Variants in RNF17 observed in about 807,000 individuals in gnomAD.
RNF17 encodes spermatogenesis associated 23.
A neutral mutation model predicts 200.5 loss-of-function variants in RNF17; 31 were observed. The ratio of observed to expected loss-of-function variants is 0.15; its 90% CI spans 0.12 to 0.21. The LOEUF is 0.21. RNF17 is among the 10% of genes least tolerant of loss of function. RNF17 has a pLI of 1.00. For synonymous variants in RNF17, 606 were observed against 637.8 expected, an observed-to-expected ratio of 0.95 and a Z score of 0.75; for missense variants, 1,628 against 1,905.1, an observed-to-expected ratio of 0.85 and a Z score of 2.71.
At chr13:24,748,933 T>A in the RNF17 span, among the ~76,000 whole-genome samples, 1 of 152,084 alleles carries the variant, frequency 6.6e-6, no homozygotes, top group East Asian at 1.9e-4. Context: ...TGTACTTTTT[T>A]AGTAGAAACA....
At chr13:24,800,667 A>G (rs2137724348) in intron 13 of RNF17, 133 bp downstream of exon 13, 1 of 600,368 alleles carries the variant, frequency 1.7e-6, no homozygotes, top group East Asian at 2.9e-5. Flanking sequence ...TTAAACTGTT[A>G]GTTCTAATAG....
At chr13:24,861,496 G>A in intron 27 of RNF17, 109 bp downstream of exon 27, 1 of 720,106 alleles carries the variant, frequency 1.4e-6, no homozygotes, top group Non-Finnish European at 2.1e-6. Flanking sequence ...CAACAAAAAA[G>A]TAATAAAACA....
At chr13:24,770,916 C>G (rs1290662204) in intron 2 of RNF17, among the ~76,000 whole-genome samples, 1 of 152,128 alleles carries the variant, frequency 6.6e-6, no homozygotes, top group Non-Finnish European at 1.5e-5. Flanking sequence ...ATTTCTAACT[C>G]CAAAAGAAAT....
chr13:24,790,530 C>G (rs1442778266), intron 9 of RNF17, among the ~76,000 whole-genome samples: 2 of 152,172 alleles, frequency 1.3e-5, no homozygotes, highest in African/African-American at 4.8e-5. Flanking sequence ...TTCAAGTTCT[C>G]AGTAGCCACA....
At chr13:24,884,699 T>C (rs2138530837), downstream of RNF17, among the ~76,000 whole-genome samples, 1 of 152,336 alleles carries the variant, frequency 6.6e-6, no homozygotes, top group Non-Finnish European at 1.5e-5. Context: ...CAACAATTTG[T>C]TACCCTAAAG....
intron 15 of RNF17, among the ~76,000 whole-genome samples, chr13:24,808,007 C>G (rs1232167322): frequency 6.6e-6 from 1 of 151,108 alleles, no homozygotes; most frequent in Admixed American, 6.6e-5. Context: ...TGATCTATAT[C>G]TCTGTTTTGG....
chr13:24,843,698 A>G, intron 19 of RNF17, 46 bp from the exon 20 acceptor site: 1 of 1,167,698 alleles, frequency 8.6e-7, no homozygotes, highest in Non-Finnish European at 1.3e-6. Flanking sequence ...AATGCAAACA[A>G]ATATTTTGCA....
chr13:24,880,363 C>T (rs1322498398), downstream of RNF17, among the ~76,000 whole-genome samples: 1 of 152,176 alleles, frequency 6.6e-6, no homozygotes, highest in East Asian at 1.9e-4. Context: ...GGTCCCTCCT[C>T]CAACACATTG....
chr13:24,825,402 T>A (rs1488269164), intron 15 of RNF17, among the ~76,000 whole-genome samples: 1 of 152,222 alleles, frequency 6.6e-6, no homozygotes, highest in Non-Finnish European at 1.5e-5. Flanking sequence ...CACTAAGTTG[T>A]CTAGCAGAAT....
At chr13:24,885,231 T>G in the RNF17 span, 1 of 1,267,332 alleles carries the variant, frequency 7.9e-7, no homozygotes, top group Non-Finnish European at 1.2e-6. Context: ...TTTTAACCCA[T>G]GTTTATTTTT....
At position 24,764,888 on chromosome 13, in the gene RNF17, G is replaced by GGGGGGTGTGTGTGTGT. The variant is rs899352115; in HGVS notation, c.130+556_130+557insGGGGTGTGTGTGTGTG. Among the ~76,000 whole-genome samples, 4 of 134,174 alleles carry GGGGGGTGTGTGTGTGT rather than the reference G, an allele frequency of 3.0e-5. No homozygotes were observed. In the East Asian group the frequency reaches 8.2e-4, roughly 27 times the overall value. The allele number at this position is 134,174 out of a possible 152,430, so 88.0% of individuals were successfully genotyped here. On this transcript the variant is annotated intron_variant, in intron 1 of 35. Transcript: ENST00000255324. The stretch of plus-strand genomic sequence containing the variant: ...ATAGTTTCTTTTGTGCACCTTGTGG[G>GGGGGGTGTGTGTGTGT]GTGTGTGTGTGTGTGTGTGTGTGTG...
In RNF17 at chr13:24,868,139, A is replaced by G. The variant is rs926949585; in HGVS notation, c.4162-461A>G. The stretch of plus-strand genomic sequence containing the variant: ...TTGATTATCATCACATTTTGGTCCT[A>G]CTGTAACAAAATCATTTTATGGTAT... On this transcript the variant is annotated intron_variant, in intron 30 of 35. Coordinates refer to ENST00000255324, the MANE Select transcript of RNF17 (RefSeq NM_031277.3). Among the ~76,000 whole-genome samples the G allele has an allele frequency of 2.0e-5, 3 of 152,326 alleles. No homozygotes were observed. The South Asian group carries it at 6.2e-4, about 32-fold the overall frequency.
At chr13:24,806,527 TG>T (rs1289465081) in intron 15 of RNF17, among the ~76,000 whole-genome samples, 2 of 152,222 alleles carry the variant, frequency 1.3e-5, no homozygotes, top group Admixed American at 1.3e-4. Context: ...CCTTTCTGAC[TG>T]GTGTGAGATG....
chr13:24,790,445 T>C (rs1883701818), intron 9 of RNF17, among the ~76,000 whole-genome samples: 1 of 152,190 alleles, frequency 6.6e-6, no homozygotes, highest in African/African-American at 2.4e-5. Context: ...CACATGTAGC[T>C]ATTTAAATTT....
At chr13:24,836,557 C>G (rs1001179252) in intron 18 of RNF17, among the ~76,000 whole-genome samples, 1 of 152,142 alleles carries the variant, frequency 6.6e-6, no homozygotes, top group African/African-American at 2.4e-5. Context: ...TATCTTCAGC[C>G]TCCTCAAACA....
chr13:24,828,080 T>C (rs1295677974), intron 16 of RNF17, among the ~76,000 whole-genome samples: 1 of 152,182 alleles, frequency 6.6e-6, no homozygotes, highest in Non-Finnish European at 1.5e-5. Flanking sequence ...TAAATATCTT[T>C]GGAGCAAACA....
intron 9 of RNF17, among the ~76,000 whole-genome samples, chr13:24,792,468 G>A (rs1011167805): frequency 2.0e-5 from 3 of 152,110 alleles, no homozygotes; most frequent in Non-Finnish European, 2.9e-5. Flanking sequence ...CAGAAGTGGT[G>A]TTGTATAAGT....
chr13:24,868,496 T>C (rs1893910882), intron 30 of RNF17, 104 bp from the exon 31 acceptor site: 1 of 286,752 alleles, frequency 3.5e-6, no homozygotes, highest in Non-Finnish European at 6.4e-6. Flanking sequence ...AAAAAAAACT[T>C]GCTTTCTGCT....
At chr13:24,860,147 G>T (rs1892949407) in intron 26 of RNF17, among the ~76,000 whole-genome samples, 1 of 151,396 alleles carries the variant, frequency 6.6e-6, no homozygotes, top group Admixed American at 6.6e-5. Context: ...GAATGTATGT[G>T]CAAAGTGACA....
Sources: allele counts gnomAD v4.1 joint callset (sites outside exome capture counted in the v4.1 genomes callset), GRCh38; gene constraint gnomAD v4.1.1; transcripts MANE v1.5; gene names NCBI Gene and HGNC (gene_info 2026-07-23, HGNC 2026-07-21).